The following KCNA2 variants were observed in gnomAD, a reference collection of about 807,000 sequenced individuals.
KCNA2 encodes potassium voltage-gated channel subfamily A member 2.
A neutral mutation model predicts 33.4 loss-of-function variants in KCNA2; 11 were observed. The observed-to-expected ratio is 0.33, with a 90% CI of 0.21 to 0.55. The LOEUF (loss-of-function observed/expected upper bound fraction) is 0.55. Ranked by LOEUF, KCNA2 falls within the 20% of genes least tolerant of loss-of-function variation. The probability of loss-of-function intolerance (pLI) is 0.93; values close to 1 mark genes in which losing one functional copy is unlikely to be tolerated. For synonymous variants in KCNA2, 222 were observed against 231.3 expected (o/e 0.96, Z 0.37); for missense variants, 291 against 621.6 (o/e 0.47, Z 5.66).
At position 110,603,769 on chromosome 1, in the gene KCNA2, C is replaced by G. The variant is rs975996921; in HGVS notation, c.1014G>C (p.Gly338=). 5 of 1,613,800 alleles carry G rather than the reference C, an allele frequency of 3.1e-6. No individual in the cohort carries two copies. Among genetic ancestry groups the G allele is most frequent in the Non-Finnish European group, 4.2e-6 (5 of 1,180,024 alleles). ...ACACAGCACTAGAGAAAAGGATGACCCCTATGAAGAGAAAGAATATCAGGA... is the reference window on the plus strand; with the variant it reads ...ACACAGCACTAGAGAAAAGGATGACGCCTATGAAGAGAAAGAATATCAGGA... ...LGLLIFFLFI[G]VILFSSAVYF... is the part of the protein sequence containing the mutation. The change falls in exon 3 of 3, where the codon GGG becomes GGC. Residue 338 remains glycine, a synonymous_variant. Coordinates refer to ENST00000316361, the MANE Select transcript of KCNA2 (RefSeq NM_004974.4). The surrounding 1 kb of genome is among the most constrained non-coding windows in gnomAD (Gnocchi z 5.7).
At chr1:110,629,422 T>C (rs770323525) in intron 1 of KCNA2, among the ~76,000 whole-genome samples, 1 of 152,188 alleles carries the variant, frequency 6.6e-6, no homozygotes, top group Non-Finnish European at 1.5e-5. Context: ...TGACACAACA[T>C]AAATGGAGGT....
At position 110,599,061 on chromosome 1, in the gene KCNA2, T is replaced by C; in HGVS notation, c.*4222A>G. On this transcript the variant is annotated 3_prime_UTR_variant, in exon 3 of 3. Transcript: ENST00000316361. ...ACACGTTTTGGACCCATATGTCCACTCCCTACTGTTGTTACCTTTTCTGTA... is the reference window on the plus strand; with the variant it reads ...ACACGTTTTGGACCCATATGTCCACCCCCTACTGTTGTTACCTTTTCTGTA... 1.0e-6 allele frequency: 1 copy of C among 985,390 alleles called. No homozygotes were observed. The highest frequency in any genetic ancestry group is 4.7e-5 in the South Asian group (1 of 21,286). The allele number at this position is 985,390 out of a possible 1,614,324, so 61.0% of individuals were successfully genotyped here.
Position 110,599,024 on chromosome 1 carries a change from T to A in KCNA2, c.*4259A>T, listed in dbSNP as rs1649224403. On this transcript the variant is annotated 3_prime_UTR_variant, in exon 3 of 3. Transcript: ENST00000316361. The stretch of plus-strand genomic sequence containing the variant: ...GGTACCTTGACCTGGAAACACAAGT[T>A]TCCAGCAAAGCACACGTTTTGGACC... 6.1e-6 allele frequency: 6 copies of A among 985,326 alleles called. No individual in the cohort carries two copies. The highest frequency in any genetic ancestry group is 7.2e-6 in the Non-Finnish European group (6 of 829,894). The allele number at this position is 985,326 out of a possible 1,614,324, so 61.0% of individuals were successfully genotyped here.
rs1440497145 is a variant in KCNA2, at chr1:110,594,321, ATG to A, written c.*8960_*8961del. ...TATATATATATACATATATATATATATGTGTGTGTATATATATATACACACAC... is the reference window on the plus strand; with the variant it reads ...TATATATATATACATATATATATATATGTGTGTATATATATATACACACAC... On this transcript the variant is annotated 3_prime_UTR_variant, in exon 3 of 3. Coordinates refer to ENST00000316361, the MANE Select transcript of KCNA2 (RefSeq NM_004974.4). 8.2e-3 allele frequency: 7,075 copies of A among 858,738 alleles called. 194 individuals are homozygous for A. Among genetic ancestry groups the A allele is most frequent in the African/African-American group, 0.081 (4,301 of 53,180 alleles). 53.2% of individuals were successfully genotyped at this position (858,738 alleles called of 1,614,324 possible). A position where few individuals can be genotyped will look rare whatever the true frequency, so the allele number is the denominator to read the frequency against.
Position 110,604,904 on chromosome 1 carries a change from C to CT in KCNA2, c.-123_-122insA. The CT allele has an allele frequency of 2.2e-6, 2 of 898,322 alleles. No individual in the cohort carries two copies. Among genetic ancestry groups the CT allele is most frequent in the Non-Finnish European group, 1.7e-6 (1 of 577,336 alleles). The allele number at this position is 898,322 out of a possible 1,614,324, so 55.6% of individuals were successfully genotyped here. ...ATTGGCCTGGTCTCCTGCAGGAGAG[C>CT]CCCGAGAGCTCTCTGAGAGCTGGAG... On this transcript the variant is annotated 5_prime_UTR_variant, in exon 3 of 3. Coordinates refer to ENST00000316361, the MANE Select transcript of KCNA2 (RefSeq NM_004974.4). The surrounding 1 kb of genome is among the most constrained non-coding windows in gnomAD (Gnocchi z 7.6).
rs1372065809 is a variant in KCNA2, at chr1:110,596,651, C to T, written c.*6632G>A. On this transcript the variant is annotated 3_prime_UTR_variant, in exon 3 of 3. Transcript: ENST00000316361. ...GCAAGGTCCCTGTTATCTTCAAACA[C>T]TCTACTTAACTAAGGCAGGAAAGTT... The T allele has an allele frequency of 1.2e-6, 1 of 802,918 alleles. No homozygotes were observed. Among genetic ancestry groups the T allele is most frequent in the Non-Finnish European group, 1.5e-6 (1 of 663,514 alleles). 49.7% of individuals were successfully genotyped at this position (802,918 alleles called of 1,614,324 possible).
In KCNA2 at chr1:110,599,082, CT is replaced by C; in HGVS notation, c.*4200del. The C allele has an allele frequency of 2.0e-6, 2 of 985,452 alleles. No individual in the cohort carries two copies. The highest frequency in any genetic ancestry group is 2.4e-6 in the Non-Finnish European group (2 of 829,940). 61.0% of individuals were successfully genotyped at this position (985,452 alleles called of 1,614,324 possible). A position where few individuals can be genotyped will look rare whatever the true frequency, so the allele number is the denominator to read the frequency against. On this transcript the variant is annotated 3_prime_UTR_variant, in exon 3 of 3. Transcript: ENST00000316361. ...CCACTCCCTACTGTTGTTACCTTTT[CT>C]GTAGAGACTGGGAGCTGCGACCATC... is the stretch of plus-strand genomic sequence containing the variant.
At chr1:110,610,361 C>T (rs1380101494), upstream of KCNA2, among the ~76,000 whole-genome samples, 4 of 152,370 alleles carry the variant, frequency 2.6e-5, no homozygotes, top group African/African-American at 9.6e-5. Flanking sequence ...GCTCCCCTTC[C>T]TGGCATGACT....
intron 1 of KCNA2, among the ~76,000 whole-genome samples, chr1:110,623,385 T>C (rs573089155): frequency 7.9e-5 from 12 of 152,210 alleles, no homozygotes; most frequent in Admixed American, 2.0e-4. Flanking sequence ...TGTTTTGACC[T>C]TGTGACCTTC....
Position 110,597,236 on chromosome 1 carries a change from G to C in KCNA2, c.*6047C>G, listed in dbSNP as rs925152283. On this transcript the variant is annotated 3_prime_UTR_variant, in exon 3 of 3. Transcript: ENST00000316361. ...CATTCCCTCAGCATCCGTCTCCCTG[G>C]GGAAGGGAGAAGGGGAAGCAAAAGG... 2 of 985,432 alleles carry C rather than the reference G, an allele frequency of 2.0e-6. No individual in the cohort carries two copies. Among genetic ancestry groups the C allele is most frequent in the East Asian group, 1.1e-4 (1 of 8,808 alleles). The allele number at this position is 985,432 out of a possible 1,614,324, so 61.0% of individuals were successfully genotyped here.
intron 1 of KCNA2, among the ~76,000 whole-genome samples, chr1:110,617,082 G>A (rs1650090943): frequency 6.6e-6 from 1 of 152,238 alleles, no homozygotes; most frequent in Non-Finnish European, 1.5e-5. Context: ...CAATCTGCAT[G>A]CCTCACTGCC....
Position 110,622,110 on chromosome 1 carries a change from A to T in KCNA2, c.-496+9285T>A, listed in dbSNP as rs572308623. Reference sequence around the variant, plus strand: ...AGACGTACAAACCGAATAAAGACGTATGAAATCAAATACAAAATAATAAGA... The same window carrying T: ...AGACGTACAAACCGAATAAAGACGTTTGAAATCAAATACAAAATAATAAGA... On this transcript the variant is annotated intron_variant, in intron 1 of 4. Transcript: ENST00000369770. 2.6e-5 allele frequency among the ~76,000 whole-genome samples: 4 copies of T among 152,284 alleles called. No homozygotes were observed. In the South Asian group the frequency reaches 8.3e-4, roughly 32 times the overall value.
At chr1:110,629,011 T>A (rs1285722870) in intron 1 of KCNA2, among the ~76,000 whole-genome samples, 1 of 152,188 alleles carries the variant, frequency 6.6e-6, no homozygotes, top group Admixed American at 6.5e-5. Context: ...ACCTGATGTG[T>A]TCTCCTCAAA....
intron 1 of KCNA2, among the ~76,000 whole-genome samples, chr1:110,614,846 G>A (rs1484741094): frequency 2.0e-5 from 3 of 152,198 alleles, no homozygotes; most frequent in Non-Finnish European, 2.9e-5. Context: ...TCTAGTAAGT[G>A]GCAGAGCTGG....
intron 1 of KCNA2, among the ~76,000 whole-genome samples, chr1:110,628,304 T>C (rs1650454630): frequency 6.6e-6 from 1 of 152,138 alleles, no homozygotes; most frequent in Non-Finnish European, 1.5e-5. Context: ...GAGGGAGCAG[T>C]GGGAGAGTGC....
chr1:110,605,744 G>A (rs1000711542), intron 1 of KCNA2, 22 bp from the exon 2 acceptor site: 1 of 152,380 alleles, frequency 6.6e-6, no homozygotes, highest in African/African-American at 2.4e-5. Flanking sequence ...CAGCAGCAAG[G>A]TGGAACCAGG....
rs1169051353 is a variant in KCNA2, at chr1:110,595,317, T to C, written c.*7966A>G. On this transcript the variant is annotated 3_prime_UTR_variant, in exon 3 of 3. Coordinates refer to ENST00000316361, the MANE Select transcript of KCNA2 (RefSeq NM_004974.4). ...GCACAGAAAGTTATATCCATTTCCA[T>C]GCTGAGGTTCATGAAGTACAAGAAG... is the stretch of plus-strand genomic sequence containing the variant. The C allele has an allele frequency of 1.0e-6, 1 of 985,458 alleles. No individual in the cohort carries two copies. Among genetic ancestry groups the C allele is most frequent in the Non-Finnish European group, 1.2e-6 (1 of 829,936 alleles). The allele number at this position is 985,458 out of a possible 1,614,324, so 61.0% of individuals were successfully genotyped here.
Position 110,602,808 on chromosome 1 carries a change from T to C in KCNA2, c.*475A>G. Reference sequence around the variant, plus strand: ...TTCCAACACACAGGACTGTGTGTTCTTTTCAATGCAAAAATGAGTATGACC... The same window carrying C: ...TTCCAACACACAGGACTGTGTGTTCCTTTCAATGCAAAAATGAGTATGACC... On this transcript the variant is annotated 3_prime_UTR_variant, in exon 3 of 3. Transcript: ENST00000316361. The C allele has an allele frequency of 1.0e-6, 1 of 997,108 alleles. No homozygotes were observed. The highest frequency in any genetic ancestry group is 1.2e-6 in the Non-Finnish European group (1 of 837,714). The allele number at this position is 997,108 out of a possible 1,614,324, so 61.8% of individuals were successfully genotyped here. A position where few individuals can be genotyped will look rare whatever the true frequency, so the allele number is the denominator to read the frequency against.
Position 110,599,998 on chromosome 1 carries a change from C to T in KCNA2, c.*3285G>A. On this transcript the variant is annotated 3_prime_UTR_variant, in exon 3 of 3. Transcript: ENST00000316361. ...ATATCTGCTTGATGTGGTGGCCCAT[C>T]CTCCTGCTTGAAACCTAGGAGTTAC... The T allele has an allele frequency of 1.0e-6, 1 of 985,184 alleles. No homozygotes were observed. 61.0% of individuals were successfully genotyped at this position (985,184 alleles called of 1,614,324 possible).
Sources: gnomAD v4.1 joint callset for allele counts (sites outside exome capture counted in the v4.1 genomes callset) on GRCh38, gnomAD v4.1.1 for gene constraint, Gnocchi (gnomAD v3.1) non-coding constraint, MANE v1.5 for transcripts, NCBI Gene and HGNC (gene_info 2026-07-23, HGNC 2026-07-21) for gene names.